Variants in PTPRD observed in about 807,000 individuals in gnomAD.
PTPRD encodes protein tyrosine phosphatase receptor type D.
A neutral mutation model predicts 214.5 loss-of-function variants in PTPRD; 34 were observed. The observed-to-expected ratio is 0.16, with a 90% CI of 0.12 to 0.21. The LOEUF (loss-of-function observed/expected upper bound fraction) is 0.21. PTPRD is among the 10% of genes least tolerant of loss of function. PTPRD has a pLI of 1.00. For missense variants in PTPRD, 2,545 were observed against 2,398.7 expected (o/e 1.06, Z -1.27); for synonymous variants, 1,128 against 845.7 (o/e 1.33, Z -5.79).
rs1299725768 is a variant in PTPRD at position 8,316,270 on chromosome 9, G to C, written c.*1604C>G. ...GATAATGCTTTAATAGAAAGTAACA[G>C]ATACGAACAGTGAATGGAAATACGA... On this transcript the variant is annotated 3_prime_UTR_variant, in exon 46 of 46. Coordinates refer to ENST00000381196, the MANE Select transcript of PTPRD (RefSeq NM_002839.4). 4.3e-6 allele frequency: 1 copy of C among 230,240 alleles called. No individual in the cohort carries two copies. Among genetic ancestry groups the C allele is most frequent in the Non-Finnish European group, 8.6e-6 (1 of 116,024 alleles). 14.3% of individuals were successfully genotyped at this position (230,240 alleles called of 1,614,324 possible).
chr9:9,562,504 C>T (rs1202852923), intron 8 of PTPRD, among the ~76,000 whole-genome samples: 1 of 152,070 alleles, frequency 6.6e-6, no homozygotes, highest in Non-Finnish European at 1.5e-5. Context: ...GTGTTAAAGC[C>T]AAAGCTCTAC....
chr9:10,563,298 G>A (rs937557152), intron 2 of PTPRD, among the ~76,000 whole-genome samples: 3 of 152,098 alleles, frequency 2.0e-5, no homozygotes, highest in Non-Finnish European at 4.4e-5. Context: ...AGTTATGAAG[G>A]TGTAAGTTCT....
At chr9:10,338,516 C>T (rs909304119) in intron 3 of PTPRD, among the ~76,000 whole-genome samples, 9 of 151,736 alleles carry the variant, frequency 5.9e-5, no homozygotes, top group Non-Finnish European at 1.5e-5. Flanking sequence ...CAAAACCCCA[C>T]AAGGTTGGCC....
intron 5 of PTPRD, among the ~76,000 whole-genome samples, chr9:9,829,245 G>A (rs1424616526): frequency 2.6e-5 from 4 of 151,784 alleles, no homozygotes; most frequent in African/African-American, 7.2e-5. Flanking sequence ...AATACCTACA[G>A]TGATGTTCGT....
At chr9:8,631,768 G>T (rs1214625737) in intron 14 of PTPRD, among the ~76,000 whole-genome samples, 1 of 151,810 alleles carries the variant, frequency 6.6e-6, no homozygotes, top group African/African-American at 2.4e-5. Context: ...TATTACAATT[G>T]TCTTTTCTCT....
At chr9:10,011,681 T>G (rs1234201387) in intron 4 of PTPRD, among the ~76,000 whole-genome samples, 1 of 152,042 alleles carries the variant, frequency 6.6e-6, no homozygotes, top group African/African-American at 2.4e-5. Context: ...TGTAACATGT[T>G]GAACTCTGGA....
chr9:10,133,883 T>G (rs759095247), intron 3 of PTPRD, among the ~76,000 whole-genome samples: 1 of 152,178 alleles, frequency 6.6e-6, no homozygotes, highest in Admixed American at 6.6e-5. Flanking sequence ...GTTGGTAAAA[T>G]GTGGTGAGTT....
chr9:8,822,083 T>C (rs1192259881), intron 11 of PTPRD, among the ~76,000 whole-genome samples: 1 of 152,220 alleles, frequency 6.6e-6, no homozygotes, highest in African/African-American at 2.4e-5. Context: ...AAAACACATT[T>C]TTAGTGGTTT....
At chr9:10,555,421 A>C (rs951905110) in intron 2 of PTPRD, among the ~76,000 whole-genome samples, 44 of 152,214 alleles carry the variant, frequency 2.9e-4, no homozygotes, top group African/African-American at 1.1e-3. Context: ...ACACAATAGC[A>C]GTTAGTCTTC....
At chr9:9,417,310 A>G (rs945325790) in intron 8 of PTPRD, among the ~76,000 whole-genome samples, 2 of 152,148 alleles carry the variant, frequency 1.3e-5, no homozygotes, top group Non-Finnish European at 2.9e-5. Flanking sequence ...ATTGATATAG[A>G]TTCATTCCAC....
chr9:10,203,910 C>A (rs1234689668), intron 3 of PTPRD, among the ~76,000 whole-genome samples: 1 of 152,094 alleles, frequency 6.6e-6, no homozygotes, highest in Admixed American at 6.6e-5. Context: ...TTTGCAAGGG[C>A]AAAGTTGAAG....
chr9:9,342,072 G>A (rs776187902), intron 9 of PTPRD, among the ~76,000 whole-genome samples: 1 of 152,092 alleles, frequency 6.6e-6, no homozygotes, highest in Non-Finnish European at 1.5e-5. Context: ...GCCTCCCAAA[G>A]TGCTGGGATT....
At chr9:8,406,639 G>C (rs898445417) in intron 35 of PTPRD, among the ~76,000 whole-genome samples, 4 of 152,150 alleles carry the variant, frequency 2.6e-5, no homozygotes, top group African/African-American at 9.7e-5. Context: ...CAAATGAACA[G>C]AATTGATGAA....
chr9:9,055,968 C>T (rs1164566777), intron 10 of PTPRD, among the ~76,000 whole-genome samples: 2 of 152,022 alleles, frequency 1.3e-5, no homozygotes, highest in African/African-American at 2.4e-5. Context: ...TGCTGGACTT[C>T]TCTATGTCAT....
chr9:8,541,103 CTT>C (rs1243704851), intron 14 of PTPRD, among the ~76,000 whole-genome samples: 1 of 152,112 alleles, frequency 6.6e-6, no homozygotes, highest in African/African-American at 2.4e-5. Context: ...TTAAAGATAA[CTT>C]ATATGTCTCA....
chr9:9,618,047 G>A (rs1302592117), intron 7 of PTPRD, among the ~76,000 whole-genome samples: 1 of 111,580 alleles, frequency 9.0e-6, no homozygotes, highest in Non-Finnish European at 1.8e-5. Context: ...ACTCCAGCCT[G>A]GGCGACAGAG....
At chr9:10,166,321 C>G (rs1196423921) in intron 3 of PTPRD, among the ~76,000 whole-genome samples, 4 of 149,746 alleles carry the variant, frequency 2.7e-5, no homozygotes, top group Non-Finnish European at 5.9e-5. Context: ...AACATCCTAT[C>G]AGCAGGCATA....
chr9:9,496,820 T>G (rs539860677), intron 8 of PTPRD, among the ~76,000 whole-genome samples: 5 of 152,324 alleles, frequency 3.3e-5, no homozygotes, highest in Admixed American at 6.5e-5. Context: ...AGTGGCATTA[T>G]TCACAGTAGC....
intron 3 of PTPRD, among the ~76,000 whole-genome samples, chr9:10,115,055 AC>A (rs369693898): frequency 0.038 from 5,693 of 150,806 alleles, 192 homozygotes; most frequent in Admixed American, 0.091. Context: ...GAAAAAAAAA[AC>A]CTTCAAAGTG....
Sources: gnomAD v4.1 joint callset for allele counts (sites outside exome capture counted in the v4.1 genomes callset) on GRCh38, gnomAD v4.1.1 for gene constraint, MANE v1.5 for transcripts, NCBI Gene and HGNC (gene_info 2026-07-23, HGNC 2026-07-21) for gene names.